The following PABPC4L variants were observed in gnomAD, a reference collection of about 807,000 sequenced individuals.
PABPC4L encodes polyadenylate-binding protein 4-like.
For synonymous variants in PABPC4L, 169 were observed against 164.1 expected (o/e 1.03, Z -0.23); for missense variants, 452 against 451.4 (o/e 1.00, Z -0.01).
At chr4:134,089,571 C>T in the PABPC4L span, among the ~76,000 whole-genome samples, 1 of 151,982 alleles carries the variant, frequency 6.6e-6, no homozygotes, top group Non-Finnish European at 1.5e-5. Context: ...TCTTACTGTG[C>T]CTATTTATAA....
chr4:134,143,019 C>A, the PABPC4L span, among the ~76,000 whole-genome samples: 1 of 151,476 alleles, frequency 6.6e-6, no homozygotes, highest in African/African-American at 2.4e-5. Context: ...GCACAGTTCA[C>A]TGAACTCTTT....
chr4:134,138,164 C>T, the PABPC4L span, among the ~76,000 whole-genome samples: 1 of 151,606 alleles, frequency 6.6e-6, no homozygotes, highest in East Asian at 1.9e-4. Flanking sequence ...AATTAGATAC[C>T]TGAATTAAAA....
chr4:134,098,866 G>C, the PABPC4L span, among the ~76,000 whole-genome samples: 1 of 151,640 alleles, frequency 6.6e-6, no homozygotes, highest in Non-Finnish European at 1.5e-5. Flanking sequence ...TTTCGAGAAG[G>C]AATAGTAAGT....
chr4:134,098,211 T>G, the PABPC4L span, among the ~76,000 whole-genome samples: 3 of 151,806 alleles, frequency 2.0e-5, no homozygotes, highest in African/African-American at 7.2e-5. Flanking sequence ...CAAGTCAATA[T>G]GCATGGACAT....
chr4:134,121,110 T>C, the PABPC4L span, among the ~76,000 whole-genome samples: 2 of 151,248 alleles, frequency 1.3e-5, no homozygotes, highest in African/African-American at 4.8e-5. Flanking sequence ...ATATGGTGAG[T>C]TCTTAATTTC....
the PABPC4L span, among the ~76,000 whole-genome samples, chr4:134,091,333 G>A: frequency 4.0e-5 from 6 of 151,538 alleles, no homozygotes; most frequent in African/African-American, 1.5e-4. Flanking sequence ...TTTGATTTCA[G>A]TATGTTTGTT....
At chr4:134,191,428 T>G (rs962602992), downstream of PABPC4L, among the ~76,000 whole-genome samples, 2 of 152,080 alleles carry the variant, frequency 1.3e-5, no homozygotes, top group African/African-American at 4.8e-5. Context: ...CCTCAGAATA[T>G]GCCACATGTT....
the PABPC4L span, among the ~76,000 whole-genome samples, chr4:133,981,179 A>G: frequency 1.3e-5 from 2 of 151,850 alleles, no homozygotes; most frequent in Non-Finnish European, 2.9e-5. Context: ...AAAAAATAGT[A>G]ACAAATATTT....
the PABPC4L span, among the ~76,000 whole-genome samples, chr4:134,142,116 G>A: frequency 4.0e-5 from 6 of 151,792 alleles, no homozygotes; most frequent in East Asian, 1.2e-3. Context: ...ATATGGCACA[G>A]GAAGCTCTCA....
At chr4:134,105,845 T>C in the PABPC4L span, among the ~76,000 whole-genome samples, 1 of 151,696 alleles carries the variant, frequency 6.6e-6, no homozygotes, top group African/African-American at 2.4e-5. Context: ...ATTATGTGAT[T>C]CATGTTTTGA....
chr4:134,179,439 A>G, the PABPC4L span, among the ~76,000 whole-genome samples: 5 of 152,290 alleles, frequency 3.3e-5, no homozygotes, highest in South Asian at 1.0e-3. Context: ...AAACACACTT[A>G]AGTACATAGA....
At chr4:134,148,187 C>A in the PABPC4L span, among the ~76,000 whole-genome samples, 1 of 152,158 alleles carries the variant, frequency 6.6e-6, no homozygotes, top group Admixed American at 6.6e-5. Flanking sequence ...ATTTACTGAA[C>A]CATTCCAAGT....
At chr4:134,026,074 G>T in the PABPC4L span, among the ~76,000 whole-genome samples, 1 of 151,998 alleles carries the variant, frequency 6.6e-6, no homozygotes, top group East Asian at 1.9e-4. Flanking sequence ...AATGTAGAAA[G>T]AACAGATCTT....
At chr4:133,982,705 C>A in the PABPC4L span, among the ~76,000 whole-genome samples, 1 of 151,928 alleles carries the variant, frequency 6.6e-6, no homozygotes, top group South Asian at 2.1e-4. Flanking sequence ...CACAAGCAAG[C>A]AAAATAGTCA....
chr4:134,085,076 G>C, the PABPC4L span, among the ~76,000 whole-genome samples: 5 of 151,908 alleles, frequency 3.3e-5, no homozygotes, highest in Non-Finnish European at 5.9e-5. Flanking sequence ...GGCTCCACCC[G>C]CTCCTCCTAG....
At chr4:134,033,864 A>T in the PABPC4L span, among the ~76,000 whole-genome samples, 1 of 151,954 alleles carries the variant, frequency 6.6e-6, no homozygotes, top group East Asian at 1.9e-4. Flanking sequence ...GTGAAGCATC[A>T]CATGCTAATG....
chr4:134,029,374 C>T, the PABPC4L span, among the ~76,000 whole-genome samples: 7 of 152,012 alleles, frequency 4.6e-5, no homozygotes, highest in South Asian at 2.1e-4. Flanking sequence ...TCTGTTCACA[C>T]CAACTACTGG....
chr4:134,149,923 A>G, the PABPC4L span, among the ~76,000 whole-genome samples: 1 of 152,226 alleles, frequency 6.6e-6, no homozygotes, highest in African/African-American at 2.4e-5. Context: ...CTAATTGGTT[A>G]GCATTCAGGC....
the PABPC4L span, among the ~76,000 whole-genome samples, chr4:134,012,088 G>C: frequency 6.6e-6 from 1 of 152,014 alleles, no homozygotes; most frequent in Admixed American, 6.6e-5. Flanking sequence ...TGTCTATCTG[G>C]TTTGAAATGC....
Sources: allele counts gnomAD v4.1 joint callset (sites outside exome capture counted in the v4.1 genomes callset), GRCh38; gene constraint gnomAD v4.1.1; transcripts MANE v1.5; gene names NCBI Gene and HGNC (gene_info 2026-07-23, HGNC 2026-07-21).